Variants in SLC6A6 observed in about 807,000 individuals in gnomAD.
SLC6A6 encodes the protein sodium- and chloride-dependent taurine transporter.
Under a neutral mutation model 68.8 loss-of-function variants are expected in SLC6A6, and 16 were observed. The ratio of observed to expected loss-of-function variants is 0.23; its 90% CI spans 0.16 to 0.35. SLC6A6 has a LOEUF of 0.35. SLC6A6 is among the 10% of genes least tolerant of loss of function. The probability of loss-of-function intolerance (pLI) is 1.00; values close to 1 mark genes in which losing one functional copy is unlikely to be tolerated. For synonymous variants in SLC6A6, 312 were observed against 315.4 expected (o/e 0.99, Z 0.12); for missense variants, 474 against 802.8 (o/e 0.59, Z 4.95).
rs1488089038 is a variant in SLC6A6, at chr3:14,450,208, T to C, written c.599+2392T>C. ...CTCGCTGTTGTCTAGGACCCAGGGG[T>C]CTTAGAGAGGGAACACTTGGGAGCA... On this transcript the variant is annotated intron_variant, in intron 5 of 14. Coordinates refer to ENST00000622186, the MANE Select transcript of SLC6A6 (RefSeq NM_003043.6). This position sits in a 1 kb window ranked among gnomAD's most constrained non-coding sequence, Gnocchi z 4.1. Among the ~76,000 whole-genome samples, 1 of 151,834 alleles carries C rather than the reference T, an allele frequency of 6.6e-6. No homozygotes were observed. The highest frequency in any genetic ancestry group is 1.5e-5 in the Non-Finnish European group (1 of 67,962).
intron 2 of SLC6A6, among the ~76,000 whole-genome samples, chr3:14,424,886 A>T (rs998989627): frequency 6.6e-6 from 1 of 152,132 alleles, no homozygotes; most frequent in Non-Finnish European, 1.5e-5. Context: ...ACACGGCGCT[A>T]TTGAAGGAAG....
intron 6 of SLC6A6, among the ~76,000 whole-genome samples, chr3:14,466,265 TAAA>T (rs11310077): frequency 7.3e-5 from 8 of 110,258 alleles, no homozygotes; most frequent in East Asian, 2.5e-4. Context: ...GTCTCAAATT[TAAA>T]AAAAAAAAAA....
At chr3:14,409,652 G>A (rs545960337) in intron 1 of SLC6A6, among the ~76,000 whole-genome samples, 8 of 149,888 alleles carry the variant, frequency 5.3e-5, no homozygotes, top group South Asian at 2.1e-4. Flanking sequence ...AAGGAGGGAG[G>A]GGAGATCCCT....
chr3:14,467,814 C>T, intron 7 of SLC6A6, 39 bp from the exon 8 acceptor site: 17 of 1,340,116 alleles, frequency 1.3e-5, no homozygotes, highest in Non-Finnish European at 1.8e-5. Context: ...GCTCTGACAG[C>T]CCTCCTCTCT....
chr3:14,433,900 G>A lies in SLC6A6; in HGVS notation c.-11-9724G>A, dbSNP rs559981315. On this transcript the variant is annotated intron_variant, in intron 2 of 14. Coordinates refer to ENST00000622186, the MANE Select transcript of SLC6A6 (RefSeq NM_003043.6). ...CCTTTCAGAGTAGAAGGGAAGGGTT[G>A]GTGGTCAGGGACAATCCAGGGCTTT... Among the ~76,000 whole-genome samples, 36 of 151,888 alleles carry A rather than the reference G, an allele frequency of 2.4e-4. 1 individual carries two copies. Among genetic ancestry groups the A allele is most frequent in the Non-Finnish European group, 4.7e-4 (32 of 67,976 alleles).
chr3:14,457,134 G>C (rs1700386775), intron 5 of SLC6A6, among the ~76,000 whole-genome samples: 1 of 152,172 alleles, frequency 6.6e-6, no homozygotes, highest in Non-Finnish European at 1.5e-5. Flanking sequence ...AGGGCAGCAG[G>C]AATCAGCTCG....
In SLC6A6 at chr3:14,433,562, G is replaced by A. The variant is rs531192958; in HGVS notation, c.-11-10062G>A. ...CCCATCTATAATCTCAGCACTTTGG[G>A]AGGCCAAGGCAGGTGGATCACTTGA... On this transcript the variant is annotated intron_variant, in intron 2 of 14. Transcript: ENST00000622186. Among the ~76,000 whole-genome samples the A allele has an allele frequency of 7.6e-4, 116 of 152,254 alleles. 2 individuals carry two copies. The highest frequency in any genetic ancestry group is 2.7e-3 in the African/African-American group (114 of 41,540).
intron 2 of SLC6A6, among the ~76,000 whole-genome samples, chr3:14,421,003 A>C (rs969502651): frequency 6.6e-6 from 1 of 152,178 alleles, no homozygotes; most frequent in African/African-American, 2.4e-5. Context: ...AATGGGGTGC[A>C]CGTGTTTGAG....
At position 14,484,981 on chromosome 3, in the gene SLC6A6, C is replaced by T; in HGVS notation, c.1837C>T (p.His613Tyr). 1 of 1,613,196 alleles carries T rather than the reference C, an allele frequency of 6.2e-7. No individual in the cohort carries two copies. The highest frequency in any genetic ancestry group is 1.1e-5 in the South Asian group (1 of 90,940). ...VMNGALVKPT[H>Y]IIVETMM ...GAACGGCGCTCTCGTGAAACCGACC[C>T]ACATCATTGTGGAGACCATGATGTG... The change falls in exon 15 of 15, where the codon CAC (histidine) becomes TAC (tyrosine). Residue 613 changes from histidine (H) to tyrosine (Y), a missense_variant. By Grantham distance (83) the His-to-Tyr change is moderately conservative. Around this residue, in one of 2 missense-constraint regions of SLC6A6, gnomAD observed 194 missense variants for 269.8 expected, o/e 0.72. Transcript: ENST00000622186.
At chr3:14,474,700 A>T (rs1328973473) in intron 10 of SLC6A6, among the ~76,000 whole-genome samples, 1 of 152,252 alleles carries the variant, frequency 6.6e-6, no homozygotes, top group East Asian at 1.9e-4. Context: ...GAAGGGCTTG[A>T]TACCAGGTCT....
Position 14,488,375 on chromosome 3 carries a change from C to G in SLC6A6, c.*3368C>G, listed in dbSNP as rs1423099102. ...ACAGCATGGCCCCTCCAGCCCACTT[C>G]AGGGCACTCTTGTATCACCCGGGTA... On this transcript the variant is annotated 3_prime_UTR_variant, in exon 15 of 15. Coordinates refer to ENST00000622186, the MANE Select transcript of SLC6A6 (RefSeq NM_003043.6). The G allele has an allele frequency of 6.6e-6, 1 of 152,322 alleles. No homozygotes were observed. The highest frequency in any genetic ancestry group is 1.5e-5 in the Non-Finnish European group (1 of 68,160). 9.4% of individuals were successfully genotyped at this position (152,322 alleles called of 1,614,324 possible).
rs370198871 is a variant in SLC6A6 at position 14,467,846 on chromosome 3, C to G, written c.868-7C>G. On this transcript the variant is annotated splice_polypyrimidine_tract_variant and splice_region_variant and intron_variant, in intron 7 of 14. Coordinates refer to ENST00000622186, the MANE Select transcript of SLC6A6 (RefSeq NM_003043.6). ...CTCTTTCCTTGCCACCTCCCTCCCC[C>G]TCATAGGTGTGGATTGACGCTGGGA... 4 of 1,591,430 alleles carry G rather than the reference C, an allele frequency of 2.5e-6. No homozygotes were observed. The South Asian group carries it at 3.3e-5, about 13-fold the overall frequency.
At chr3:14,428,908 C>G (rs186949482) in intron 2 of SLC6A6, among the ~76,000 whole-genome samples, 1 of 152,194 alleles carries the variant, frequency 6.6e-6, no homozygotes, top group Non-Finnish European at 1.5e-5. Context: ...GTGAGGGGAG[C>G]CCCTAAGTCC....
chr3:14,438,891 C>T (rs966765918), intron 2 of SLC6A6, among the ~76,000 whole-genome samples: 19 of 152,180 alleles, frequency 1.2e-4, no homozygotes, highest in African/African-American at 1.7e-4. Flanking sequence ...GTCTGCAGGA[C>T]GGCAGGGCAG....
At chr3:14,404,566 G>A (rs1699063673) in intron 1 of SLC6A6, among the ~76,000 whole-genome samples, 1 of 152,198 alleles carries the variant, frequency 6.6e-6, no homozygotes, top group African/African-American at 2.4e-5. Context: ...CCAGAGGTAG[G>A]AGCTTGTCCC....
chr3:14,479,936 T>C (rs1226282111), intron 13 of SLC6A6, among the ~76,000 whole-genome samples: 1 of 152,216 alleles, frequency 6.6e-6, no homozygotes, highest in African/African-American at 2.4e-5. Flanking sequence ...ACGGCTCCAC[T>C]ATGGGGAGCA....
intron 12 of SLC6A6, 78 bp from the exon 13 acceptor site, chr3:14,479,007 G>C: frequency 1.1e-6 from 1 of 871,558 alleles, no homozygotes; most frequent in Non-Finnish European, 2.0e-6. Flanking sequence ...TCAGGTCCCA[G>C]AGACCCCACT....
intron 3 of SLC6A6, chr3:14,444,457 T>G: frequency 4.2e-6 from 1 of 235,916 alleles, no homozygotes; most frequent in Non-Finnish European, 8.6e-6. Context: ...TTGCTTTTGT[T>G]TTTGTGTTTT....
At chr3:14,482,182 A>G (rs1418172680) in intron 14 of SLC6A6, among the ~76,000 whole-genome samples, 1 of 152,220 alleles carries the variant, frequency 6.6e-6, no homozygotes, top group African/African-American at 2.4e-5. Flanking sequence ...TTGGATGCCA[A>G]GCTAAGAGCT....
Sources: gnomAD v4.1 joint callset for allele counts (sites outside exome capture counted in the v4.1 genomes callset) on GRCh38, gnomAD v4.1.1 for gene constraint, gnomAD v4.1.1 regional missense constraint, Gnocchi (gnomAD v3.1) non-coding constraint, MANE v1.5 for transcripts, NCBI Gene and HGNC (gene_info 2026-07-23, HGNC 2026-07-21) for gene names.